Variants in IL12RB1 observed in about 807,000 individuals in gnomAD.
IL12RB1 encodes interleukin 12 receptor subunit beta 1, also known as interleukin-12 receptor subunit beta-1.
In IL12RB1, 64 loss-of-function variants were observed where a neutral mutation model predicts 94.4. The ratio of observed to expected loss-of-function variants is 0.68; its 90% CI spans 0.55 to 0.83. IL12RB1 has a LOEUF of 0.83. Ranked by LOEUF, IL12RB1 falls within the 40% of genes least tolerant of loss-of-function variation. The pLI, the probability that IL12RB1 is intolerant of heterozygous loss-of-function variation, is 0.00. For synonymous variants in IL12RB1, 362 were observed against 355.5 expected, an observed-to-expected ratio of 1.02 and a Z score of -0.21; for missense variants, 814 against 855.6, an observed-to-expected ratio of 0.95 and a Z score of 0.61.
chr19:18,083,125 T>C (rs1022452491), intron 2 of IL12RB1: 2 of 517,674 alleles, frequency 3.9e-6, no homozygotes, highest in South Asian at 2.1e-5. Flanking sequence ...ATTTATCAGG[T>C]TGGGGGGGGG....
intron 1 of IL12RB1, among the ~76,000 whole-genome samples, chr19:18,092,441 G>A (rs2036672123): frequency 6.6e-6 from 1 of 151,822 alleles, no homozygotes; most frequent in Non-Finnish European, 1.5e-5. Context: ...GGTGAGCCAA[G>A]ATCGTGCCAT....
At position 18,075,364 on chromosome 19, in the gene IL12RB1, G is replaced by A. The variant is rs550518306; in HGVS notation, c.700+385C>T. On this transcript the variant is annotated intron_variant, in intron 7 of 16. Coordinates refer to ENST00000593993, the MANE Select transcript of IL12RB1 (RefSeq NM_005535.3). Reference sequence around the variant, plus strand: ...CAACCTCCACCTCCCGGGTTCAAGGGATTCTCCTGCCTCAGCCTCCCAAGT... The same window carrying A: ...CAACCTCCACCTCCCGGGTTCAAGGAATTCTCCTGCCTCAGCCTCCCAAGT... Among the ~76,000 whole-genome samples the A allele has an allele frequency of 4.0e-5, 6 of 151,530 alleles. No homozygotes were observed. In the South Asian group the frequency reaches 1.0e-3, roughly 26 times the overall value.
chr19:18,078,972 A>G (rs2035679082), intron 4 of IL12RB1, among the ~76,000 whole-genome samples: 1 of 152,072 alleles, frequency 6.6e-6, no homozygotes, highest in African/African-American at 2.4e-5. Context: ...AGGCCAAGAC[A>G]GGAGGATCAT....
upstream of IL12RB1, chr19:18,091,390 C>A (rs955966021): frequency 6.6e-6 from 1 of 152,216 alleles, no homozygotes; most frequent in Admixed American, 6.5e-5. Flanking sequence ...CAGGAAGGAT[C>A]GAGTCACGAG....
Position 18,064,019 on chromosome 19 carries a change from G to A in IL12RB1, c.1484-9C>T, listed in dbSNP as rs2034370087. ...GGGCTGCACGGGATGCTCTGCAGTG[G>A]GAGAGGCAACCCTGAGTCCTGGGAC... is the stretch of plus-strand genomic sequence containing the variant. On this transcript the variant is annotated splice_polypyrimidine_tract_variant and intron_variant, in intron 12 of 16. Coordinates refer to ENST00000593993, the MANE Select transcript of IL12RB1 (RefSeq NM_005535.3). 1.2e-6 allele frequency: 2 copies of A among 1,608,862 alleles called. No individual in the cohort carries two copies. The highest frequency in any genetic ancestry group is 1.1e-5 in the South Asian group (1 of 90,860).
At position 18,063,887 on chromosome 19, in the gene IL12RB1, C is replaced by T. The variant is rs374732718; in HGVS notation, c.1607G>A (p.Arg536His). 30 of 1,613,208 alleles carry T rather than the reference C, an allele frequency of 1.9e-5. No individual in the cohort carries two copies. The highest frequency in any genetic ancestry group is 8.0e-5 in the African/African-American group (6 of 74,930). Residue 536 changes from arginine (R) to histidine (H), a missense_variant, in exon 13 of 17, where the codon CGC becomes CAC. Arg to His is a conservative substitution (Grantham distance 29, BLOSUM62 0). Transcript: ENST00000593993. ...WLRGVWSQPQRFSIEVQVSDW... is the reference protein window; with the variant it reads ...WLRGVWSQPQHFSIEVQVSDW... ...CCCCCTCCACTCACCGATGCTGAAG[C>T]GCTGGGGCTGGCTCCAGACACCCCT... is the stretch of plus-strand genomic sequence containing the variant.
At chr19:18,081,054 A>C in intron 3 of IL12RB1, 53 bp from the exon 4 acceptor site, 2 of 1,531,776 alleles carry the variant, frequency 1.3e-6, no homozygotes. Context: ...AGTGGACCCC[A>C]CAGCCGACTT....
intron 1 of IL12RB1, 145 bp downstream of exon 1, chr19:18,086,615 T>C (rs2036358866): frequency 4.1e-6 from 3 of 724,252 alleles, no homozygotes; most frequent in East Asian, 2.8e-5. Flanking sequence ...CCAGAAGCCA[T>C]GACTGCCCAT....
intron 12 of IL12RB1, among the ~76,000 whole-genome samples, chr19:18,064,858 T>C (rs1185072613): frequency 2.0e-5 from 3 of 152,092 alleles, no homozygotes; most frequent in Non-Finnish European, 4.4e-5. Flanking sequence ...AGGACCAAAC[T>C]GAGGACTAGC....
upstream of IL12RB1, among the ~76,000 whole-genome samples, chr19:18,087,434 T>C (rs756287818): frequency 1.1e-4 from 16 of 152,040 alleles, no homozygotes; most frequent in Non-Finnish European, 1.6e-4. Context: ...GGTCTCGAAC[T>C]CCTAACCCTA....
At position 18,069,582 on chromosome 19, in the gene IL12RB1, G is replaced by C. The variant is rs956055379; in HGVS notation, c.1153C>G (p.Leu385Val). 1 of 1,612,024 alleles carries C rather than the reference G, an allele frequency of 6.2e-7. No individual in the cohort carries two copies. The highest frequency in any genetic ancestry group is 1.3e-5 in the African/African-American group (1 of 75,070). Residue 385 changes from leucine to valine, a missense_variant, in exon 10 of 17, where the codon CTG (leucine) becomes GTG (valine). By Grantham distance (32) the Leu-to-Val change is conservative. Coordinates refer to ENST00000593993, the MANE Select transcript of IL12RB1 (RefSeq NM_005535.3). ...GQDGGLATCS[L>V]TAPQDPDPAG... ...GGATCCGGGTCTTGCGGCGCAGTCA[G>C]GCTGCAGGTGGCAAGGCCCCCGTCC...
upstream of IL12RB1, among the ~76,000 whole-genome samples, chr19:18,089,266 C>T (rs2036527628): frequency 1.3e-5 from 2 of 151,962 alleles, no homozygotes; most frequent in Admixed American, 1.3e-4. Flanking sequence ...GTTCTGGAAC[C>T]AGATAGAGGT....
chr19:18,066,819 G>A (rs1289181257), intron 11 of IL12RB1, 122 bp from the exon 12 acceptor site: 2 of 723,446 alleles, frequency 2.8e-6, no homozygotes, highest in Admixed American at 1.9e-5. Flanking sequence ...TTGAGGCCAG[G>A]AGTTCAAGAC....
intron 14 of IL12RB1, among the ~76,000 whole-genome samples, chr19:18,061,685 A>C (rs2146086293): frequency 6.6e-6 from 1 of 151,564 alleles, no homozygotes; most frequent in South Asian, 2.1e-4. Flanking sequence ...ACATGGTGAA[A>C]CCCTATCTCT....
chr19:18,059,817 G>A, intron 16 of IL12RB1, 77 bp downstream of exon 16: 15 of 836,480 alleles, frequency 1.8e-5, no homozygotes, highest in South Asian at 1.6e-4. Context: ...GATATCCCAG[G>A]AGCGATGGAT....
At chr19:18,072,412 C>G in intron 8 of IL12RB1, 63 bp from the exon 9 acceptor site, 2 of 994,694 alleles carry the variant, frequency 2.0e-6, no homozygotes, top group South Asian at 1.3e-5. Flanking sequence ...CATAGGCAGA[C>G]AGCAGGGCAC....
intron 8 of IL12RB1, 92 bp from the exon 9 acceptor site, chr19:18,072,441 T>G: frequency 2.4e-6 from 2 of 831,828 alleles, no homozygotes; most frequent in Non-Finnish European, 4.2e-6. Context: ...AAGACAGACT[T>G]GGACAAAGGC....
rs955428545 is a variant in IL12RB1 at position 18,072,463 on chromosome 19, A to G, written c.784-114T>C. ...ACTTGGACAAAGGCCACAGCCAATA[A>G]CATGCATCAAAAATTAAAAGAATAA... On this transcript the variant is annotated intron_variant, in intron 8 of 16. Coordinates refer to ENST00000593993, the MANE Select transcript of IL12RB1 (RefSeq NM_005535.3). 5 of 736,364 alleles carry G rather than the reference A, an allele frequency of 6.8e-6. No individual in the cohort carries two copies. The African/African-American group carries it at 8.7e-5, about 13-fold the overall frequency. The allele number at this position is 736,364 out of a possible 1,614,324, so 45.6% of individuals were successfully genotyped here. A position where few individuals can be genotyped will look rare whatever the true frequency, so the allele number is the denominator to read the frequency against.
chr19:18,072,916 C>CA, intron 8 of IL12RB1, among the ~76,000 whole-genome samples: 1 of 140,224 alleles, frequency 7.1e-6, no homozygotes. Context: ...CACTGCACTC[C>CA]AGCCTGGGCG....
Sources: gnomAD v4.1 joint callset for allele counts (sites outside exome capture counted in the v4.1 genomes callset) on GRCh38, gnomAD v4.1.1 for gene constraint, MANE v1.5 for transcripts, NCBI Gene and HGNC (gene_info 2026-07-23, HGNC 2026-07-21) for gene names.